GLIS3: variants seen among roughly 807,000 people sequenced by gnomAD.
GLIS3 encodes GLIS family zinc finger 3.
GLIS3 carries 53 observed loss-of-function variants against 78.6 expected under a neutral mutation model. The observed-to-expected ratio is 0.67, with a 90% CI of 0.54 to 0.85. GLIS3 has a LOEUF of 0.85. Among genes scored for constraint, GLIS3 ranks in the 40% least tolerant of loss-of-function variants. The pLI is 0.00. For missense variants in GLIS3, 1,703 were observed against 1,231.1 expected (o/e 1.38, Z -5.74); for synonymous variants, 684 against 509.9 (o/e 1.34, Z -4.60).
At chr9:4,057,187 G>A (rs1169689625) in intron 4 of GLIS3, among the ~76,000 whole-genome samples, 1 of 152,078 alleles carries the variant, frequency 6.6e-6, no homozygotes, top group Non-Finnish European at 1.5e-5. Flanking sequence ...GGCTTCATGG[G>A]CATCAAAGGC....
chr9:4,194,195 T>C (rs1384959353), intron 2 of GLIS3, among the ~76,000 whole-genome samples: 3 of 152,068 alleles, frequency 2.0e-5, no homozygotes, highest in Non-Finnish European at 4.4e-5. Flanking sequence ...GTAGCTGGGA[T>C]TACAGGCCCA....
intron 8 of GLIS3, among the ~76,000 whole-genome samples, chr9:3,860,283 A>AAAAAAAAAGACTCTGTC (rs1820112094): frequency 9.6e-6 from 1 of 103,870 alleles, no homozygotes; most frequent in Non-Finnish European, 2.4e-5. Flanking sequence ...AAAAAAAAAA[A>AAAAAAAAAGACTCTGTC]AAAAAAAAAA....
chr9:3,910,607 T>C (rs1458114807), intron 6 of GLIS3, among the ~76,000 whole-genome samples: 1 of 152,186 alleles, frequency 6.6e-6, no homozygotes, highest in East Asian at 1.9e-4. Context: ...CACTTTGGCT[T>C]CCCAAGGTGC....
intron 8 of GLIS3, chr9:3,878,536 C>G (rs148993632): frequency 6.6e-6 from 1 of 152,152 alleles, no homozygotes; most frequent in Non-Finnish European, 1.5e-5. Flanking sequence ...CACCAGTAAT[C>G]TCTAAGTTAC....
intron 6 of GLIS3, among the ~76,000 whole-genome samples, chr9:3,907,997 G>T (rs1823839151): frequency 6.6e-6 from 1 of 152,202 alleles, no homozygotes; most frequent in Non-Finnish European, 1.5e-5. Context: ...TGTACAGCAG[G>T]AGTATGGAAA....
intron 9 of GLIS3, among the ~76,000 whole-genome samples, chr9:3,830,195 T>C (rs1377937861): frequency 6.7e-6 from 1 of 149,552 alleles, no homozygotes; most frequent in Non-Finnish European, 1.5e-5. Flanking sequence ...TCTTATTTCA[T>C]CTATTCCTTT....
chr9:4,288,276 G>C (rs990840893), intron 1 of GLIS3, among the ~76,000 whole-genome samples: 1 of 152,064 alleles, frequency 6.6e-6, no homozygotes, highest in Non-Finnish European at 1.5e-5. Context: ...AGTGTTTTCT[G>C]AGCACTCTGA....
intron 2 of GLIS3, among the ~76,000 whole-genome samples, chr9:4,240,861 G>A (rs1172816246): frequency 1.3e-5 from 2 of 151,958 alleles, no homozygotes; most frequent in African/African-American, 2.4e-5. Flanking sequence ...TAAAATAAAA[G>A]TTAAAAAGTG....
intron 4 of GLIS3, among the ~76,000 whole-genome samples, chr9:3,956,504 T>C (rs1817121775): frequency 6.6e-6 from 1 of 152,204 alleles, no homozygotes; most frequent in Non-Finnish European, 1.5e-5. Context: ...AATAAAGGCC[T>C]TTCCCAGGAA....
chr9:4,140,432 T>C (rs1388392160), intron 2 of GLIS3, among the ~76,000 whole-genome samples: 1 of 152,198 alleles, frequency 6.6e-6, no homozygotes, highest in Admixed American at 6.5e-5. Context: ...CTATCATAAA[T>C]TGTTTCTGCT....
intron 2 of GLIS3, among the ~76,000 whole-genome samples, chr9:4,168,947 GA>G (rs1816125110): frequency 6.6e-6 from 1 of 152,128 alleles, no homozygotes; most frequent in Non-Finnish European, 1.5e-5. Context: ...CAGCAATGTA[GA>G]AAAAATATGA....
At chr9:4,050,312 C>G (rs896455912) in intron 4 of GLIS3, among the ~76,000 whole-genome samples, 3 of 152,110 alleles carry the variant, frequency 2.0e-5, no homozygotes, top group African/African-American at 4.8e-5. Context: ...ATGGATGAAG[C>G]TGGAAACCAT....
At chr9:4,416,596 A>C in the GLIS3 span, among the ~76,000 whole-genome samples, 2 of 152,114 alleles carry the variant, frequency 1.3e-5, no homozygotes, top group Non-Finnish European at 2.9e-5. Flanking sequence ...CCATTATTTT[A>C]TTCTTTGTAC....
At chr9:3,833,773 C>T (rs1334174915) in intron 9 of GLIS3, among the ~76,000 whole-genome samples, 1 of 152,164 alleles carries the variant, frequency 6.6e-6, no homozygotes. Flanking sequence ...AGAATCACCC[C>T]TCTACTTTAA....
chr9:4,282,750 T>C (rs542129112), intron 2 of GLIS3, among the ~76,000 whole-genome samples: 62 of 151,966 alleles, frequency 4.1e-4, no homozygotes, highest in African/African-American at 1.5e-3. Flanking sequence ...TTTATATATA[T>C]ACACACACAC....
chr9:4,069,631 C>T (rs1827418612), intron 4 of GLIS3, among the ~76,000 whole-genome samples: 1 of 151,966 alleles, frequency 6.6e-6, no homozygotes. Flanking sequence ...TGCATGCCTA[C>T]CTTCAGATTG....
chr9:4,479,230 C>A, the GLIS3 span, among the ~76,000 whole-genome samples: 1 of 152,088 alleles, frequency 6.6e-6, no homozygotes, highest in African/African-American at 2.4e-5. Context: ...CAGGCCTCAA[C>A]CTAGTCCCTT....
chr9:4,140,153 G>T (rs1466966249), intron 2 of GLIS3, among the ~76,000 whole-genome samples: 2 of 152,132 alleles, frequency 1.3e-5, no homozygotes, highest in African/African-American at 2.4e-5. Context: ...GCGAAACGCT[G>T]TCTCCACAAA....
intron 4 of GLIS3, among the ~76,000 whole-genome samples, chr9:3,988,510 A>G (rs1819954828): frequency 6.6e-6 from 1 of 152,228 alleles, no homozygotes; most frequent in South Asian, 2.1e-4. Flanking sequence ...ACAGCCCTAT[A>G]TTAATGTATA....
Sources: gnomAD v4.1 joint callset for allele counts (sites outside exome capture counted in the v4.1 genomes callset) on GRCh38, gnomAD v4.1.1 for gene constraint, MANE v1.5 for transcripts, NCBI Gene and HGNC (gene_info 2026-07-23, HGNC 2026-07-21) for gene names.